STKLD1: variants seen among roughly 807,000 people sequenced by gnomAD.
STKLD1 encodes serine/threonine kinase like domain containing 1.
In STKLD1, 79 loss-of-function variants were observed where a neutral mutation model predicts 80.4. The ratio of observed to expected loss-of-function variants is 0.98; its 90% CI spans 0.82 to 1.19. STKLD1 has a LOEUF of 1.19. STKLD1 is among the 50% of genes most tolerant of loss of function. STKLD1 has a pLI of 0.00. For synonymous variants in STKLD1, 393 were observed against 357.6 expected, an observed-to-expected ratio of 1.10 and a Z score of -1.12; for missense variants, 841 against 856.0, an observed-to-expected ratio of 0.98 and a Z score of 0.22.
At chr9:133,397,950 C>T (rs893369308) in intron 10 of STKLD1, 22 bp from the exon 11 acceptor site, 1 of 1,605,700 alleles carries the variant, frequency 6.2e-7, no homozygotes, top group African/African-American at 1.3e-5. Context: ...AAGGTCCCTC[C>T]CCTGCCTTCC....
intron 13 of STKLD1, among the ~76,000 whole-genome samples, chr9:133,402,454 A>G (rs1554777858): frequency 6.6e-6 from 1 of 152,224 alleles, no homozygotes; most frequent in African/African-American, 2.4e-5. Context: ...TACATGGCTG[A>G]TCTCACTTTG....
intron 1 of STKLD1, 91 bp downstream of exon 1, chr9:133,376,651 C>T (rs1004740599): frequency 1.1e-5 from 13 of 1,170,590 alleles, no homozygotes; most frequent in South Asian, 1.6e-5. Context: ...CCGAGGGCGG[C>T]GAGGGGCCCG....
At position 133,376,482 on chromosome 9, in the gene STKLD1, G is replaced by T; in HGVS notation, c.9G>T (p.Gly3=). ...CGCGGTCGCTACTGATCATGCTTGG[G>T]CCAGGGTCCAATCGCAGGCGCCCCA... ML[G]PGSNRRRPTQ... is the part of the protein sequence containing the mutation. Residue 3 remains glycine (G), a synonymous_variant, in exon 1 of 18, where the codon GGG becomes GGT. Transcript: ENST00000371957. 1 of 1,591,466 alleles carries T rather than the reference G, an allele frequency of 6.3e-7. No individual in the cohort carries two copies. The highest frequency in any genetic ancestry group is 8.5e-7 in the Non-Finnish European group (1 of 1,170,994).
At chr9:133,395,569 G>T (rs41306714) in intron 8 of STKLD1, 31 bp from the exon 9 acceptor site, 1 of 1,604,984 alleles carries the variant, frequency 6.2e-7, no homozygotes, top group Admixed American at 1.7e-5. Flanking sequence ...TTACTTAAGG[G>T]AATACACAGA....
intron 13 of STKLD1, among the ~76,000 whole-genome samples, chr9:133,402,183 C>T (rs1175182451): frequency 1.3e-5 from 2 of 152,216 alleles, no homozygotes; most frequent in Admixed American, 1.3e-4. Flanking sequence ...TTCTGGGAGG[C>T]TGGGGCTCAA....
intron 2 of STKLD1, 75 bp downstream of exon 2, chr9:133,379,197 A>G (rs2130260031): frequency 1.9e-5 from 25 of 1,289,206 alleles, no homozygotes. Flanking sequence ...AGCTCTTCCC[A>G]TGTTGGAGAA....
chr9:133,389,675 C>T lies in STKLD1; in HGVS notation c.467+79C>T. The T allele has an allele frequency of 6.3e-7, 1 of 1,587,878 alleles. No homozygotes were observed. The highest frequency in any genetic ancestry group is 1.1e-5 in the South Asian group (1 of 88,334). ...CACTGAGGCCACTCGGGTGCCAGTG[C>T]CCGTGGGCAGGATCTGGGGAGAAAG... On this transcript the variant is annotated intron_variant, in intron 6 of 17. Transcript: ENST00000371957. This position sits in a 1 kb window ranked among gnomAD's most constrained non-coding sequence, Gnocchi z 6.4.
intron 7 of STKLD1, among the ~76,000 whole-genome samples, chr9:133,391,436 G>T (rs1157823852): frequency 1.9e-4 from 29 of 151,538 alleles, no homozygotes; most frequent in Non-Finnish European, 2.2e-4. Flanking sequence ...GGGAAAGGTG[G>T]GGAAAAGATT....
At chr9:133,388,842 G>A in intron 5 of STKLD1, 1 of 985,410 alleles carries the variant, frequency 1.0e-6, no homozygotes, top group Non-Finnish European at 1.2e-6. Flanking sequence ...CTCTTACCAT[G>A]GGCCTCAGAG....
Position 133,385,249 on chromosome 9 carries a change from C to T in STKLD1, c.220-368C>T, listed in dbSNP as rs1838238054. 6.6e-6 allele frequency among the ~76,000 whole-genome samples: 1 copy of T among 152,202 alleles called. No individual in the cohort carries two copies. The highest frequency in any genetic ancestry group is 1.5e-5 in the Non-Finnish European group (1 of 68,036). On this transcript the variant is annotated intron_variant, in intron 3 of 17. Transcript: ENST00000371957. The surrounding 1 kb of genome is among the most constrained non-coding windows in gnomAD (Gnocchi z 4.9). ...GGGCACCGGGACCTCTCCGTGTGCC[C>T]ACCTCCCGGTGTCTGCACCACCTCC...
At chr9:133,403,620 G>C (rs1296805521) in intron 14 of STKLD1, 80 bp from the exon 15 acceptor site, 5 of 1,525,514 alleles carry the variant, frequency 3.3e-6, no homozygotes, top group African/African-American at 1.4e-5. Flanking sequence ...CTGGAGGAAG[G>C]CAGCAGATGG....
At position 133,402,876 on chromosome 9, in the gene STKLD1, A is replaced by G. The variant is rs1409789174; in HGVS notation, c.1340-2A>G. 11 of 1,595,050 alleles carry G rather than the reference A, an allele frequency of 6.9e-6. No homozygotes were observed. Among genetic ancestry groups the G allele is most frequent in the African/African-American group, 1.3e-5 (1 of 74,550 alleles). On this transcript the variant is annotated splice_acceptor_variant, in intron 13 of 17. Coordinates refer to ENST00000371957, the MANE Select transcript of STKLD1 (RefSeq NM_153710.5). LOFTEE classifies it high-confidence loss of function. ...GGGGCCCTCATTCTGGCTCACCCAC[A>G]GAGTCAGAGTCACTGTCAGAGGAGC...
chr9:133,402,017 G>C (rs1838719083), intron 13 of STKLD1, 139 bp downstream of exon 13: 2 of 1,114,130 alleles, frequency 1.8e-6, no homozygotes, highest in Admixed American at 5.7e-5. Context: ...GGTGGCATTT[G>C]GCCGTCTTCA....
At chr9:133,398,549 C>A (rs1255515710) in intron 11 of STKLD1, among the ~76,000 whole-genome samples, 1 of 152,140 alleles carries the variant, frequency 6.6e-6, no homozygotes, top group Non-Finnish European at 1.5e-5. Flanking sequence ...GAAGCCAAGG[C>A]GGGAGGACTG....
rs1435057823 is a variant in STKLD1, at chr9:133,376,467, A to G, written c.-7A>G. ...GGACGCTCGCCCGTACGCGGTCGCT[A>G]CTGATCATGCTTGGGCCAGGGTCCA... is the stretch of plus-strand genomic sequence containing the variant. On this transcript the variant is annotated 5_prime_UTR_variant, in exon 1 of 18. Transcript: ENST00000371957. The G allele has an allele frequency of 1.3e-6, 2 of 1,581,042 alleles. No individual in the cohort carries two copies. The highest frequency in any genetic ancestry group is 1.4e-5 in the African/African-American group (1 of 73,658).
In STKLD1 at chr9:133,399,042, G is replaced by C. The variant is rs587602760; in HGVS notation, c.1081+987G>C. Among the ~76,000 whole-genome samples the C allele has an allele frequency of 3.3e-5, 5 of 152,156 alleles. No homozygotes were observed. In the East Asian group the frequency reaches 9.7e-4, roughly 29 times the overall value. ...TAATTTTTCGTATTTTTATTAGAGA[G>C]GGGGTTTCACCATGTTGGCCAGGCT... On this transcript the variant is annotated intron_variant, in intron 11 of 17. Transcript: ENST00000371957.
Position 133,389,335 on chromosome 9 carries a change from G to T in STKLD1, c.397-191G>T. On this transcript the variant is annotated intron_variant, in intron 5 of 17. Coordinates refer to ENST00000371957, the MANE Select transcript of STKLD1 (RefSeq NM_153710.5). The surrounding 1 kb of genome is among the most constrained non-coding windows in gnomAD (Gnocchi z 6.4). The stretch of plus-strand genomic sequence containing the variant: ...GAAACTCAGAGTCCTTCTGGCTGCC[G>T]CCGCGGCTTTACCATCTGGAGAGCC... The T allele has an allele frequency of 1.0e-6, 1 of 985,348 alleles. No homozygotes were observed. The highest frequency in any genetic ancestry group is 1.2e-6 in the Non-Finnish European group (1 of 829,922). The allele number at this position is 985,348 out of a possible 1,614,324, so 61.0% of individuals were successfully genotyped here.
Position 133,382,625 on chromosome 9 carries a change from C to T in STKLD1, c.175-1231C>T, listed in dbSNP as rs2130269909. On this transcript the variant is annotated intron_variant, in intron 2 of 17. Coordinates refer to ENST00000371957, the MANE Select transcript of STKLD1 (RefSeq NM_153710.5). ...TGATGGTGGTCATGGTGATTATGGT[C>T]GTGGTGATGATGTGATGATGGTGGT... Among the ~76,000 whole-genome samples, 6 of 134,458 alleles carry T rather than the reference C, an allele frequency of 4.5e-5. No individual in the cohort carries two copies. The South Asian group carries it at 1.3e-3, about 28-fold the overall frequency. The allele number at this position is 134,458 out of a possible 152,430, so 88.2% of individuals were successfully genotyped here.
chr9:133,387,191 G>T (rs1459913338), intron 4 of STKLD1, among the ~76,000 whole-genome samples: 1 of 152,230 alleles, frequency 6.6e-6, no homozygotes, highest in African/African-American at 2.4e-5. Flanking sequence ...GTGGCCAGGG[G>T]ACAAGTGCAG....
Sources: allele counts gnomAD v4.1 joint callset (sites outside exome capture counted in the v4.1 genomes callset), GRCh38; gene constraint gnomAD v4.1.1; non-coding constraint Gnocchi (gnomAD v3.1); transcripts MANE v1.5; gene names NCBI Gene and HGNC (gene_info 2026-07-23, HGNC 2026-07-21).